The following FRMD4B variants were observed in gnomAD, a reference collection of about 807,000 sequenced individuals.
FRMD4B encodes the protein FERM domain-containing protein 4B.
In FRMD4B, 74 loss-of-function variants were observed where a neutral mutation model predicts 141.5. The observed-to-expected ratio is 0.52, with a 90% CI of 0.43 to 0.63. FRMD4B has a LOEUF of 0.63. FRMD4B is among the 30% of genes least tolerant of loss of function. The pLI is 0.00. For synonymous variants in FRMD4B, 506 were observed against 467.9 expected (o/e 1.08, Z -1.05); for missense variants, 1,366 against 1,253.4 (o/e 1.09, Z -1.36).
chr3:69,253,945 G>A (rs980258293), intron 5 of FRMD4B, among the ~76,000 whole-genome samples: 2 of 152,098 alleles, frequency 1.3e-5, no homozygotes, highest in African/African-American at 4.8e-5. Context: ...GCCAGGTGTG[G>A]TGGCTCATGT....
In FRMD4B at chr3:69,320,209, C is replaced by G. The variant is rs532794441; in HGVS notation, c.163-6692G>C. On this transcript the variant is annotated intron_variant, in intron 1 of 22. Transcript: ENST00000398540. ...CATATTATTCAAATGAACTTTTTCC[C>G]CAACGTGTCAATTAAAAAATTTTTT... Among the ~76,000 whole-genome samples the G allele has an allele frequency of 2.6e-5, 4 of 152,160 alleles. No individual in the cohort carries two copies. In the East Asian group the frequency reaches 5.8e-4, roughly 22 times the overall value.
chr3:69,507,150 A>G (rs2107085051), intron 1 of FRMD4B, among the ~76,000 whole-genome samples: 1 of 152,262 alleles, frequency 6.6e-6, no homozygotes, highest in East Asian at 1.9e-4. Context: ...TTTTTGTGAC[A>G]CACACAAGCA....
intron 1 of FRMD4B, among the ~76,000 whole-genome samples, chr3:69,478,590 TC>T (rs1325307896): frequency 6.6e-6 from 1 of 152,208 alleles, no homozygotes; most frequent in Non-Finnish European, 1.5e-5. Context: ...TAATTTCTGT[TC>T]TTTCACATTT....
rs150615322 is a variant in FRMD4B at position 69,347,039 on chromosome 3, A to C, written c.163-33522T>G. ...CCAATTAAAAGATGTAGACTGGCAA[A>C]TTGGATAAAGAGTCAAGACCCATCA... On this transcript the variant is annotated intron_variant, in intron 1 of 22. Coordinates refer to ENST00000398540, the MANE Select transcript of FRMD4B (RefSeq NM_015123.3). Among the ~76,000 whole-genome samples, 1,438 of 152,342 alleles carry C rather than the reference A, an allele frequency of 9.4e-3. 27 individuals are homozygous for C. Among genetic ancestry groups the C allele is most frequent in the African/African-American group, 0.032 (1,348 of 41,574 alleles).
At chr3:69,427,643 G>GTTGTTTTTTT (rs1705105934) in intron 2 of FRMD4B, among the ~76,000 whole-genome samples, 1 of 36,238 alleles carries the variant, frequency 2.8e-5, no homozygotes, top group Non-Finnish European at 5.1e-5. Flanking sequence ...CTAGGTAAAT[G>GTTGTTTTTTT]TTTTTTTTTT....
At chr3:69,280,197 G>C (rs17633079) in intron 5 of FRMD4B, among the ~76,000 whole-genome samples, 27,351 of 151,940 alleles carry the variant, frequency 0.18, 2,654 homozygotes, top group Non-Finnish European at 0.21. Context: ...TATCAGTTTC[G>C]GCATTTCCAC....
At chr3:69,388,621 C>A (rs1392680013), upstream of FRMD4B, among the ~76,000 whole-genome samples, 1 of 152,102 alleles carries the variant, frequency 6.6e-6, no homozygotes, top group Non-Finnish European at 1.5e-5. Flanking sequence ...CATATAAGCT[C>A]CTTAAGTCAA....
Position 69,195,015 on chromosome 3 carries a change from T to C in FRMD4B, c.1488+7A>G. ...TTAATTGAAAGGCTCAGAGGCGTTG[T>C]TCATACTTCTTCACTCGGCAGCAAG... On this transcript the variant is annotated splice_region_variant and intron_variant, in intron 16 of 22. Transcript: ENST00000398540. 6.2e-7 allele frequency: 1 copy of C among 1,612,494 alleles called. No individual in the cohort carries two copies. Among genetic ancestry groups the C allele is most frequent in the Non-Finnish European group, 8.5e-7 (1 of 1,178,856 alleles).
chr3:69,459,856 C>A lies in FRMD4B; in HGVS notation c.-128-27095G>T, dbSNP rs559618691. 3.9e-5 allele frequency among the ~76,000 whole-genome samples: 6 copies of A among 152,316 alleles called. No homozygotes were observed. The East Asian group carries it at 9.6e-4, about 24-fold the overall frequency. On this transcript the variant is annotated intron_variant, in intron 1 of 5. Coordinates refer to the FRMD4B transcript ENST00000459638. ...CATATTGAATTGTGCTTGTCTGTAA[C>A]AAACTCACAGCAACTGTAGGTGTCT...
At chr3:69,229,021 T>TG (rs1366365073) in intron 7 of FRMD4B, among the ~76,000 whole-genome samples, 103 of 149,244 alleles carry the variant, frequency 6.9e-4, no homozygotes, top group African/African-American at 1.9e-3. Context: ...TCATGTTTTT[T>TG]TTTTTTTTTT....
chr3:69,325,081 A>AC (rs1702140666), intron 1 of FRMD4B, among the ~76,000 whole-genome samples: 1 of 13,314 alleles, frequency 7.5e-5, no homozygotes, highest in Non-Finnish European at 3.3e-4. Flanking sequence ...TGTCTAAAAA[A>AC]AAAAAAAGAA....
chr3:69,337,328 T>G (rs1241499342), intron 1 of FRMD4B, among the ~76,000 whole-genome samples: 2 of 152,192 alleles, frequency 1.3e-5, no homozygotes, highest in Admixed American at 6.5e-5. Flanking sequence ...AAGACTTAAA[T>G]GTTAGACCTA....
intron 1 of FRMD4B, among the ~76,000 whole-genome samples, chr3:69,436,527 G>A (rs1705263059): frequency 6.6e-6 from 1 of 152,136 alleles, no homozygotes; most frequent in Non-Finnish European, 1.5e-5. Flanking sequence ...ATGAAAAGCT[G>A]TTTAGTAGTC....
intron 1 of FRMD4B, among the ~76,000 whole-genome samples, chr3:69,383,897 CTCT>C (rs1456506089): frequency 3.9e-5 from 6 of 152,096 alleles, no homozygotes; most frequent in Non-Finnish European, 7.3e-5. Flanking sequence ...TCAAATTATT[CTCT>C]TCTAGTTATT....
In FRMD4B at chr3:69,320,186, T is replaced by C. The variant is rs978113303; in HGVS notation, c.163-6669A>G. On this transcript the variant is annotated intron_variant, in intron 1 of 22. Coordinates refer to ENST00000398540, the MANE Select transcript of FRMD4B (RefSeq NM_015123.3). ...AAGGTTACTCATGTAATAAATACCA[T>C]ATTATTCAAATGAACTTTTTCCCCA... Among the ~76,000 whole-genome samples the C allele has an allele frequency of 4.6e-5, 7 of 152,332 alleles. No individual in the cohort carries two copies. In the East Asian group the frequency reaches 1.3e-3, roughly 29 times the overall value.
intron 1 of FRMD4B, among the ~76,000 whole-genome samples, chr3:69,469,258 C>G (rs865910977): frequency 3.2e-4 from 48 of 152,216 alleles, no homozygotes; most frequent in Middle Eastern, 3.4e-3. Flanking sequence ...CATGAGGCGT[C>G]ATCAGAATGC....
intron 13 of FRMD4B, 139 bp downstream of exon 13, chr3:69,196,761 T>G: frequency 1.5e-6 from 1 of 652,740 alleles, no homozygotes; most frequent in Non-Finnish European, 2.6e-6. Context: ...ATAAAAAACC[T>G]GAAATAGTTG....
At chr3:69,340,864 T>C (rs1192108087) in intron 1 of FRMD4B, among the ~76,000 whole-genome samples, 1 of 152,210 alleles carries the variant, frequency 6.6e-6, no homozygotes, top group Non-Finnish European at 1.5e-5. Flanking sequence ...TTTGTCTTGC[T>C]AACCACTCTA....
chr3:69,176,717 A>T (rs527456469), intron 21 of FRMD4B, 61 bp from the exon 22 acceptor site: 1 of 1,171,180 alleles, frequency 8.5e-7, no homozygotes, highest in African/African-American at 1.5e-5. Flanking sequence ...AAAATTGTTA[A>T]GGTCATTCAG....
Sources: allele counts gnomAD v4.1 joint callset (sites outside exome capture counted in the v4.1 genomes callset), GRCh38; gene constraint gnomAD v4.1.1; transcripts MANE v1.5; gene names NCBI Gene and HGNC (gene_info 2026-07-23, HGNC 2026-07-21).